The following BNC2 variants were observed in gnomAD, a reference collection of about 807,000 sequenced individuals.
BNC2 encodes basonuclin zinc finger protein 2.
A neutral mutation model predicts 76.3 loss-of-function variants in BNC2; 20 were observed. The ratio of observed to expected loss-of-function variants is 0.26; its 90% CI spans 0.18 to 0.38. The LOEUF (loss-of-function observed/expected upper bound fraction) is 0.38, where lower values mean the gene tolerates loss of function less well. BNC2 is among the 10% of genes least tolerant of loss of function. The pLI, the probability that BNC2 is intolerant of heterozygous loss-of-function variation, is 1.00. For synonymous variants in BNC2, 582 were observed against 514.8 expected (o/e 1.13, Z -1.77); for missense variants, 1,382 against 1,399.8 (o/e 0.99, Z 0.20).
At chr9:16,622,758 C>A (rs372690350) in intron 3 of BNC2, among the ~76,000 whole-genome samples, 1 of 152,104 alleles carries the variant, frequency 6.6e-6, no homozygotes, top group Non-Finnish European at 1.5e-5. Context: ...TTTTAGAAGC[C>A]TGTTGCTCCC....
At chr9:16,868,197 A>C (rs1819590772) in intron 1 of BNC2, 1 of 152,044 alleles carries the variant, frequency 6.6e-6, no homozygotes, top group Admixed American at 6.6e-5. Flanking sequence ...ATCAAATGAC[A>C]CTCCTGGAAT....
At chr9:16,643,163 G>A (rs1288311191) in intron 3 of BNC2, among the ~76,000 whole-genome samples, 2 of 151,834 alleles carry the variant, frequency 1.3e-5, no homozygotes, top group South Asian at 2.1e-4. Flanking sequence ...GAGGTTAGCC[G>A]GGCATGGTGG....
intron 5 of BNC2, among the ~76,000 whole-genome samples, chr9:16,543,269 G>A (rs938277817): frequency 1.3e-5 from 2 of 152,018 alleles, no homozygotes; most frequent in African/African-American, 4.8e-5. Context: ...AAGAAAATAC[G>A]GCTCATAGAA....
intron 3 of BNC2, among the ~76,000 whole-genome samples, chr9:16,629,098 T>C (rs773507695): frequency 2.0e-5 from 3 of 152,352 alleles, no homozygotes; most frequent in Middle Eastern, 3.4e-3. Context: ...TTTTTGGTTT[T>C]TGTCAGTGTT....
intron 3 of BNC2, among the ~76,000 whole-genome samples, chr9:16,586,794 A>T (rs1819784455): frequency 6.6e-6 from 1 of 152,192 alleles, no homozygotes; most frequent in African/African-American, 2.4e-5. Flanking sequence ...GTGATCAAGG[A>T]CTTGATAGTT....
chr9:16,690,344 G>A (rs1249600789), intron 3 of BNC2, among the ~76,000 whole-genome samples: 2 of 152,094 alleles, frequency 1.3e-5, no homozygotes, highest in East Asian at 1.9e-4. Context: ...TGGGTGTGGT[G>A]ACATGTGCCT....
chr9:16,529,777 G>A (rs1817919659), intron 5 of BNC2, among the ~76,000 whole-genome samples: 1 of 152,136 alleles, frequency 6.6e-6, no homozygotes, highest in Non-Finnish European at 1.5e-5. Flanking sequence ...ATGAATACCT[G>A]ACAACTGTTC....
At chr9:16,552,501 C>A (rs763883348) in intron 5 of BNC2, 29 bp downstream of exon 5, 222 of 1,601,412 alleles carry the variant, frequency 1.4e-4, no homozygotes, top group Non-Finnish European at 1.8e-4. Context: ...CGGCCCCGGA[C>A]ACGGGCGGCG....
At chr9:16,560,370 A>C (rs1818972189) in intron 4 of BNC2, among the ~76,000 whole-genome samples, 1 of 152,220 alleles carries the variant, frequency 6.6e-6, no homozygotes, top group South Asian at 2.1e-4. Context: ...TGGAAAGCTT[A>C]TAATTTTATT....
At chr9:16,681,697 A>G (rs538524967) in intron 3 of BNC2, among the ~76,000 whole-genome samples, 28 of 152,270 alleles carry the variant, frequency 1.8e-4, no homozygotes, top group African/African-American at 5.8e-4. Flanking sequence ...ACTCTACTCC[A>G]TGGTCAAAAA....
At chr9:16,747,900 T>A (rs558710693) in intron 1 of BNC2, among the ~76,000 whole-genome samples, 15 of 152,356 alleles carry the variant, frequency 9.8e-5, no homozygotes, top group Admixed American at 6.5e-4. Context: ...CTTTCATAGT[T>A]AGTTATAATT....
In BNC2 at chr9:16,700,165, TA is replaced by T. The variant is rs562086207; in HGVS notation, c.330+27631del. 2.9e-4 allele frequency among the ~76,000 whole-genome samples: 44 copies of T among 152,324 alleles called. No homozygotes were observed. The South Asian group carries it at 8.7e-3, about 30-fold the overall frequency. ...TGTAGACACAGACTTCAGTTAGACATAAAACTGTGACTTAGTTTTTTCAGAC... is the reference window on the plus strand; with the variant it reads ...TGTAGACACAGACTTCAGTTAGACATAAACTGTGACTTAGTTTTTTCAGAC... On this transcript the variant is annotated intron_variant, in intron 3 of 6. Transcript: ENST00000380672.
At chr9:16,838,025 G>A (rs1284571653) in intron 1 of BNC2, among the ~76,000 whole-genome samples, 3 of 152,252 alleles carry the variant, frequency 2.0e-5, no homozygotes, top group African/African-American at 4.8e-5. Flanking sequence ...AAGGCAACCA[G>A]ATCATTCAGA....
chr9:16,811,552 C>CAAAAAAA (rs1179927173), intron 1 of BNC2, among the ~76,000 whole-genome samples: 4 of 58,020 alleles, frequency 6.9e-5, no homozygotes, highest in South Asian at 8.4e-4. Flanking sequence ...AACTCCATCT[C>CAAAAAAA]AAAAAAAAAA....
chr9:16,856,457 G>C (rs906833192), intron 1 of BNC2, among the ~76,000 whole-genome samples: 5 of 152,022 alleles, frequency 3.3e-5, no homozygotes, highest in Admixed American at 2.6e-4. Flanking sequence ...TATTTTTTTA[G>C]AGACAGGATC....
chr9:16,847,127 G>A (rs958601782), intron 1 of BNC2, among the ~76,000 whole-genome samples: 7 of 151,994 alleles, frequency 4.6e-5, no homozygotes, highest in Admixed American at 2.6e-4. Context: ...TGTATGCTGC[G>A]GTAGGTCTAC....
intron 3 of BNC2, among the ~76,000 whole-genome samples, chr9:16,614,955 C>T (rs1820655379): frequency 7.6e-5 from 5 of 66,130 alleles, no homozygotes; most frequent in Admixed American, 7.4e-4. Context: ...GACTCTGTCT[C>T]TTTAAAAAAA....
chr9:16,491,186 G>C (rs1385230178), intron 5 of BNC2, among the ~76,000 whole-genome samples: 3 of 152,186 alleles, frequency 2.0e-5, no homozygotes, highest in Non-Finnish European at 1.5e-5. Flanking sequence ...GTTGCAGTCA[G>C]TGAAAAGCCA....
intron 1 of BNC2, among the ~76,000 whole-genome samples, chr9:16,838,129 T>C (rs1469726359): frequency 2.0e-5 from 3 of 152,202 alleles, no homozygotes; most frequent in Non-Finnish European, 4.4e-5. Context: ...AAATAAGGCA[T>C]ACATAATGCG....
Sources: allele counts gnomAD v4.1 joint callset (sites outside exome capture counted in the v4.1 genomes callset), GRCh38; gene constraint gnomAD v4.1.1; transcripts MANE v1.5; gene names NCBI Gene and HGNC (gene_info 2026-07-23, HGNC 2026-07-21).